Variants in ATP1B4 observed in about 807,000 individuals in gnomAD.
ATP1B4 encodes ATPase Na+/K+ transporting family member beta 4.
Under a neutral mutation model 29.6 loss-of-function variants are expected in ATP1B4, and 32 were observed. The ratio of observed to expected loss-of-function variants is 1.08; its 90% CI spans 0.82 to 1.45. ATP1B4 has a LOEUF of 1.45. ATP1B4 is among the 40% of genes most tolerant of loss of function. ATP1B4 has a pLI of 0.00. For missense variants in ATP1B4, 323 were observed against 276.2 expected, an observed-to-expected ratio of 1.17 and a Z score of -1.20; for synonymous variants, 127 against 102.1, an observed-to-expected ratio of 1.24 and a Z score of -1.47.
In ATP1B4 at chrX:120,379,644, G is replaced by C; in HGVS notation, c.*10G>C. The C allele has an allele frequency of 8.4e-7, 1 of 1,195,352 alleles. No individual in the cohort carries two copies. The highest frequency in any genetic ancestry group is 1.8e-5 in the African/African-American group (1 of 57,017). On this transcript the variant is annotated 3_prime_UTR_variant, in exon 8 of 8. Transcript: ENST00000218008. ...GAACATAGAAACTTAAGAACTTCAG[G>C]GGGCCATTCTTACCAGTTCTGTTTC... is the stretch of plus-strand genomic sequence containing the variant.
chrX:120,383,108 C>T lies in ATP1B4; in HGVS notation c.*3474C>T, dbSNP rs1269294834. ...ACTTTGGGTTATGATTTTTCACCTT[C>T]TACTCCCCTGAAATCATTATCCTAA... On this transcript the variant is annotated 3_prime_UTR_variant, in exon 8 of 8. Transcript: ENST00000218008. 5 of 112,430 alleles carry T rather than the reference C, an allele frequency of 4.4e-5. No homozygotes were observed. Among genetic ancestry groups the T allele is most frequent in the Non-Finnish European group, 7.5e-5 (4 of 53,286 alleles). 9.3% of individuals were successfully genotyped at this position (112,430 alleles called of 1,213,427 possible).
chrX:120,378,851 A>G, intron 7 of ATP1B4, 78 bp downstream of exon 7: 1 of 918,166 alleles, frequency 1.1e-6, no homozygotes, highest in Non-Finnish European at 1.6e-6. Context: ...ATCTATGAGA[A>G]TTAGGGAGCA....
chrX:120,375,914 G>A (rs1272451069), intron 5 of ATP1B4, among the ~76,000 whole-genome samples: 1 of 110,917 alleles, frequency 9.0e-6, no homozygotes, highest in Non-Finnish European at 1.9e-5. Context: ...TTTAACTTGG[G>A]CAACATAGTG....
At chrX:120,375,240 A>G in intron 4 of ATP1B4, 132 bp from the exon 5 acceptor site, 1 of 553,615 alleles carries the variant, frequency 1.8e-6, no homozygotes. Flanking sequence ...GGTCACAGGT[A>G]GACTGAGTGG....
At chrX:120,363,357 G>A (rs1390613175) in intron 1 of ATP1B4, among the ~76,000 whole-genome samples, 2 of 112,478 alleles carry the variant, frequency 1.8e-5, no homozygotes, top group African/African-American at 6.5e-5. Flanking sequence ...ATCTGCAGGG[G>A]TATAAAACTA....
chrX:120,382,241 A>C lies in ATP1B4; in HGVS notation c.*2607A>C, dbSNP rs1327540853. The stretch of plus-strand genomic sequence containing the variant: ...CTTATTGACACAGTAAAGGGAGGCC[A>C]ACCACTACTAACAAGTTCTAGAAGA... On this transcript the variant is annotated 3_prime_UTR_variant, in exon 8 of 8. Coordinates refer to ENST00000218008, the MANE Select transcript of ATP1B4 (RefSeq NM_001142447.3). 6.3e-5 allele frequency: 7 copies of C among 111,692 alleles called. No individual in the cohort carries two copies. The highest frequency in any genetic ancestry group is 2.3e-4 in the African/African-American group (7 of 30,698). The allele number at this position is 111,692 out of a possible 1,213,427, so 9.2% of individuals were successfully genotyped here.
chrX:120,374,734 A>ACCC (rs2058338028), intron 4 of ATP1B4, among the ~76,000 whole-genome samples: 3 of 67,791 alleles, frequency 4.4e-5, no homozygotes, highest in African/African-American at 1.8e-4. Context: ...TATATATTAT[A>ACCC]TTATATATAA....
rs2058371223 is a variant in ATP1B4 at position 120,379,325 on chromosome X, G to T, written c.913-148G>T. The T allele has an allele frequency of 6.3e-6, 3 of 477,962 alleles. No individual in the cohort carries two copies. In the Admixed American group the frequency reaches 1.1e-4, roughly 18 times the overall value. The allele number at this position is 477,962 out of a possible 1,213,427, so 39.4% of individuals were successfully genotyped here. The stretch of plus-strand genomic sequence containing the variant: ...CCCACACTTTCCCACTGCAAGGAGA[G>T]TATGTCTGTTGCTTTGGCCATTTGC... On this transcript the variant is annotated intron_variant, in intron 7 of 7. Transcript: ENST00000218008.
chrX:120,364,767 A>G (rs767998932), intron 1 of ATP1B4, among the ~76,000 whole-genome samples: 20 of 112,187 alleles, frequency 1.8e-4, no homozygotes, highest in African/African-American at 5.8e-4. Context: ...CCCAGGCTGG[A>G]GTACAGTGGC....
In ATP1B4 at chrX:120,375,542, C is replaced by T; in HGVS notation, c.733C>T (p.Pro245Ser). ...DPTFGYSTGQ[P>S]CILLKMNRIV... is the part of the protein sequence containing the mutation. ...AACTTTTGGATACTCTACTGGACAGCCCTGCATCCTTCTAAAGATGAACCG... is the reference window on the plus strand; with the variant it reads ...AACTTTTGGATACTCTACTGGACAGTCCTGCATCCTTCTAAAGATGAACCG... The change falls in exon 5 of 8, where the codon CCC becomes TCC. Residue 245 changes from proline to serine, a missense_variant. Pro to Ser is a moderately conservative substitution (Grantham distance 74). Transcript: ENST00000218008. The T allele has an allele frequency of 3.3e-6, 4 of 1,206,148 alleles. No homozygotes were observed. Among genetic ancestry groups the T allele is most frequent in the Non-Finnish European group, 3.4e-6 (3 of 893,588 alleles).
chrX:120,373,720 A>G (rs904817472), intron 4 of ATP1B4, among the ~76,000 whole-genome samples: 4 of 112,087 alleles, frequency 3.6e-5, no homozygotes, highest in African/African-American at 1.3e-4. Flanking sequence ...CATTCCATCC[A>G]ATGTAAAAGG....
At chrX:120,371,338 C>A (rs1354543671) in intron 4 of ATP1B4, 128 bp downstream of exon 4, 2 of 503,096 alleles carry the variant, frequency 4.0e-6, no homozygotes, top group East Asian at 7.2e-5. Context: ...TCTGTCCTTA[C>A]TTTGCATCCC....
chrX:120,379,100 A>G (rs905664845), intron 7 of ATP1B4, among the ~76,000 whole-genome samples: 2 of 111,690 alleles, frequency 1.8e-5, no homozygotes, highest in Non-Finnish European at 3.8e-5. Context: ...GTGCTTAAAC[A>G]TGCCCTAATA....
chrX:120,371,693 G>A (rs767767241), intron 4 of ATP1B4, among the ~76,000 whole-genome samples: 4 of 111,846 alleles, frequency 3.6e-5, no homozygotes, highest in Non-Finnish European at 5.6e-5. Flanking sequence ...ATTTGAGATG[G>A]AGTCTCACTC....
rs752718458 is a variant in ATP1B4 at position 120,370,727 on chromosome X, T to C, written c.341T>C (p.Leu114Pro). Residue 114 changes from leucine to proline, a missense_variant, in exon 3 of 8, where the codon CTC becomes CCC. Physicochemically the swap from Leu to Pro is moderately conservative, Grantham distance 98 (BLOSUM62 -3). Coordinates refer to ENST00000218008, the MANE Select transcript of ATP1B4 (RefSeq NM_001142447.3). ...GATTGCTCTGCAGGCCTGATCTTAC[T>C]CATTTACTTCTTCTTCTATGCCTCC... ...RTGQSWSLIL[L>P]IYFFFYASLA... 5 of 1,211,435 alleles carry C rather than the reference T, an allele frequency of 4.1e-6. No individual in the cohort carries two copies. The highest frequency in any genetic ancestry group is 5.6e-6 in the Non-Finnish European group (5 of 895,388).
chrX:120,376,638 T>G (rs1602508665), intron 6 of ATP1B4, among the ~76,000 whole-genome samples: 1 of 112,056 alleles, frequency 8.9e-6, no homozygotes, highest in South Asian at 3.8e-4. Context: ...ATAGTGTATG[T>G]GTGTGTATGT....
intron 1 of ATP1B4, 58 bp downstream of exon 1, chrX:120,362,289 G>C (rs2058265119): frequency 3.7e-6 from 4 of 1,075,631 alleles, no homozygotes; most frequent in East Asian, 3.0e-5. Flanking sequence ...TTAATGGGGT[G>C]GGTTGGGGGC....
chrX:120,375,287 A>G (rs1417163619), intron 4 of ATP1B4, 85 bp from the exon 5 acceptor site: 6 of 859,844 alleles, frequency 7.0e-6, no homozygotes, highest in Non-Finnish European at 9.9e-6. Context: ...GAGAAAGGAA[A>G]CTTGGGAGGG....
rs750309234 is a variant in ATP1B4, at chrX:120,371,056, A to T, written c.458-50A>T. 14 of 1,119,070 alleles carry T rather than the reference A, an allele frequency of 1.3e-5. No homozygotes were observed. In the South Asian group the frequency reaches 2.2e-4, roughly 18 times the overall value. The allele number at this position is 1,119,070 out of a possible 1,213,427, so 92.2% of individuals were successfully genotyped here. A position where few individuals can be genotyped will look rare whatever the true frequency, so the allele number is the denominator to read the frequency against. On this transcript the variant is annotated intron_variant, in intron 3 of 7. Coordinates refer to ENST00000218008, the MANE Select transcript of ATP1B4 (RefSeq NM_001142447.3). ...GGTTTCATGGGAATCAATACAAAAA[A>T]ATTATCCCAAGAATGGGTTAATATA...
Sources: gnomAD v4.1 joint callset for allele counts (sites outside exome capture counted in the v4.1 genomes callset) on GRCh38, gnomAD v4.1.1 for gene constraint, MANE v1.5 for transcripts, NCBI Gene and HGNC (gene_info 2026-07-23, HGNC 2026-07-21) for gene names.